C3orf38: variants seen among roughly 807,000 people sequenced by gnomAD.
C3orf38 encodes the protein chromosome 3 open reading frame 38.
A neutral mutation model predicts 28.3 loss-of-function variants in C3orf38; 18 were observed. The ratio of observed to expected loss-of-function variants is 0.64; its 90% CI spans 0.44 to 0.94. C3orf38 has a LOEUF of 0.94. Among genes scored for constraint, C3orf38 ranks in the 40% least tolerant of loss-of-function variants. The pLI, the probability that C3orf38 is intolerant of heterozygous loss-of-function variation, is 0.00. For missense variants in C3orf38, 364 were observed against 396.4 expected (o/e 0.92, Z 0.69); for synonymous variants, 145 against 138.1 (o/e 1.05, Z -0.35).
intron 1 of C3orf38, among the ~76,000 whole-genome samples, chr3:88,151,928 GCAA>G (rs2107929563): frequency 6.6e-6 from 1 of 152,238 alleles, no homozygotes; most frequent in Admixed American, 6.5e-5. Flanking sequence ...AAATTTTAAA[GCAA>G]CATTTAGGAT....
chr3:88,155,981 C>A, intron 2 of C3orf38, 40 bp from the exon 3 acceptor site: 1 of 1,442,746 alleles, frequency 6.9e-7, no homozygotes, highest in Non-Finnish European at 9.3e-7. Context: ...AAAGTTAAAC[C>A]TTAGTGTTAT....
In C3orf38 at chr3:88,153,356, A is replaced by G; in HGVS notation, c.260A>G (p.Glu87Gly). The change falls in exon 2 of 3, where the codon GAA becomes GGA. Residue 87 changes from glutamate (E) to glycine (G), a missense_variant. Physicochemically the swap from Glu to Gly is moderately conservative, Grantham distance 98. Transcript: ENST00000318887. Reference sequence around the variant, plus strand: ...GGGATTGTTATACCTCCAGCTACTGAAAAACACAATCTTATTCAGCATGCA... The same window carrying G: ...GGGATTGTTATACCTCCAGCTACTGGAAAACACAATCTTATTCAGCATGCA... ...TQGIVIPPAT[E>G]KHNLIQHAKD... is the part of the protein sequence containing the mutation. 1 of 1,614,134 alleles carries G rather than the reference A, an allele frequency of 6.2e-7. No homozygotes were observed.
At chr3:88,152,910 T>C (rs375628320) in intron 1 of C3orf38, among the ~76,000 whole-genome samples, 1 of 152,218 alleles carries the variant, frequency 6.6e-6, no homozygotes, top group Admixed American at 6.5e-5. Context: ...AATTTAGGAC[T>C]GTTGGCCTTA....
At chr3:88,154,425 G>A (rs1245497592) in intron 2 of C3orf38, among the ~76,000 whole-genome samples, 1 of 150,624 alleles carries the variant, frequency 6.6e-6, no homozygotes, top group African/African-American at 2.4e-5. Flanking sequence ...ATTCTCCAGC[G>A]GACATTGGCT....
At chr3:88,152,558 C>T (rs1389263352) in intron 1 of C3orf38, among the ~76,000 whole-genome samples, 1 of 151,950 alleles carries the variant, frequency 6.6e-6, no homozygotes, top group Non-Finnish European at 1.5e-5. Context: ...GTCAGGAGAT[C>T]GAGACCATCC....
Position 88,149,962 on chromosome 3 carries a change from A to C in C3orf38, c.-91A>C. The C allele has an allele frequency of 2.0e-6, 3 of 1,535,788 alleles. No homozygotes were observed. The highest frequency in any genetic ancestry group is 1.2e-5 in the South Asian group (1 of 86,350). On this transcript the variant is annotated 5_prime_UTR_variant, in exon 1 of 3. Transcript: ENST00000318887. ...AGGCCCTTCGACGGAGAACAACAAG[A>C]AAGGCACTTCCGGTGTCTGTTGCCA...
In C3orf38 at chr3:88,157,442, T is replaced by C. The variant is rs1707494947; in HGVS notation, c.*807T>C. On this transcript the variant is annotated 3_prime_UTR_variant, in exon 3 of 3. Coordinates refer to ENST00000318887, the MANE Select transcript of C3orf38 (RefSeq NM_173824.4). Reference sequence around the variant, plus strand: ...TAAAGGAAATATGCTGTTGAAATTTTAAAGGTATGCCCAGTTCCTAACTTT... The same window carrying C: ...TAAAGGAAATATGCTGTTGAAATTTCAAAGGTATGCCCAGTTCCTAACTTT... 6.6e-6 allele frequency: 1 copy of C among 152,182 alleles called. No homozygotes were observed. The highest frequency in any genetic ancestry group is 2.4e-5 in the African/African-American group (1 of 41,440). The allele number at this position is 152,182 out of a possible 1,614,324, so 9.4% of individuals were successfully genotyped here.
intron 2 of C3orf38, among the ~76,000 whole-genome samples, chr3:88,155,136 A>T (rs1707462109): frequency 6.6e-6 from 1 of 152,184 alleles, no homozygotes; most frequent in African/African-American, 2.4e-5. Flanking sequence ...CCGGGATTAC[A>T]GGCATGAACC....
chr3:88,156,063 C>A lies in C3orf38; in HGVS notation c.418C>A (p.Arg140Ser). ...AAAAGCTGAAAAAGTTGATTTTCGT[C>A]GCCTAGGAGAAGAATTCTGTCATTG... is the stretch of plus-strand genomic sequence containing the variant. ...DKKAEKVDFR[R>S]LGEEFCHWFF... Residue 140 changes from arginine (R) to serine (S), a missense_variant, in exon 3 of 3, where the codon CGC (arginine) becomes AGC (serine). By Grantham distance (110) the Arg-to-Ser change is moderately radical. Transcript: ENST00000318887. The A allele has an allele frequency of 6.4e-7, 1 of 1,555,864 alleles. No individual in the cohort carries two copies. Among genetic ancestry groups the A allele is most frequent in the South Asian group, 1.2e-5 (1 of 82,548 alleles).
chr3:88,154,658 C>A (rs1254926575), intron 2 of C3orf38, among the ~76,000 whole-genome samples: 1 of 152,146 alleles, frequency 6.6e-6, no homozygotes, highest in Non-Finnish European at 1.5e-5. Context: ...ACTTTGAAAT[C>A]ATACAAATAC....
chr3:88,153,446 C>T lies in C3orf38; in HGVS notation c.350C>T (p.Thr117Ile). Residue 117 changes from threonine (T) to isoleucine (I), a missense_variant, in exon 2 of 3, where the codon ACA (threonine) becomes ATA (isoleucine). Physicochemically the swap from Thr to Ile is moderately conservative, Grantham distance 89 (BLOSUM62 -1). Coordinates refer to ENST00000318887, the MANE Select transcript of C3orf38 (RefSeq NM_173824.4). Reference sequence around the variant, plus strand: ...GAAACGCCAGAGCCAGTTACAAAGACAGAGGACATCCACCTATTTCAACAG... The same window carrying T: ...GAAACGCCAGAGCCAGTTACAAAGATAGAGGACATCCACCTATTTCAACAG... The part of the protein sequence containing the change: ...LKETPEPVTK[T>I]EDIHLFQQQV... 1 of 1,614,084 alleles carries T rather than the reference C, an allele frequency of 6.2e-7. No homozygotes were observed. Among genetic ancestry groups the T allele is most frequent in the Non-Finnish European group, 8.5e-7 (1 of 1,180,006 alleles).
At chr3:88,153,838 C>T (rs2107931803) in intron 2 of C3orf38, among the ~76,000 whole-genome samples, 1 of 152,258 alleles carries the variant, frequency 6.6e-6, no homozygotes, top group South Asian at 2.1e-4. Context: ...GCTGGAATTA[C>T]AGGCATGAGC....
At chr3:88,154,212 T>G (rs1034308355) in intron 2 of C3orf38, among the ~76,000 whole-genome samples, 3 of 152,160 alleles carry the variant, frequency 2.0e-5, no homozygotes, top group African/African-American at 7.2e-5. Context: ...AAAAATTTTC[T>G]TTTAAGTTCC....
At position 88,153,346 on chromosome 3, in the gene C3orf38, C is replaced by G. The variant is rs1292734158; in HGVS notation, c.250C>G (p.Pro84Ala). 3 of 1,613,816 alleles carry G rather than the reference C, an allele frequency of 1.9e-6. No homozygotes were observed. Among genetic ancestry groups the G allele is most frequent in the Non-Finnish European group, 2.5e-6 (3 of 1,179,988 alleles). ...GGCAACACAGGGGATTGTTATACCTCCAGCTACTGAAAAACACAATCTTAT... is the reference window on the plus strand; with the variant it reads ...GGCAACACAGGGGATTGTTATACCTGCAGCTACTGAAAAACACAATCTTAT... Reference protein sequence around the residue: ...YLATQGIVIPPATEKHNLIQH... With the variant: ...YLATQGIVIPAATEKHNLIQH... Residue 84 changes from proline to alanine, a missense_variant, in exon 2 of 3, where the codon CCA becomes GCA. Physicochemically the swap from Pro to Ala is conservative, Grantham distance 27 (BLOSUM62 -1). Coordinates refer to ENST00000318887, the MANE Select transcript of C3orf38 (RefSeq NM_173824.4).
chr3:88,151,124 G>T (rs1413951070), intron 1 of C3orf38: 1 of 151,888 alleles, frequency 6.6e-6, no homozygotes, highest in African/African-American at 2.4e-5. Flanking sequence ...TTAATTATAG[G>T]GTATCTAAAA....
intron 2 of C3orf38, among the ~76,000 whole-genome samples, chr3:88,155,259 A>AAAT (rs1707463850): frequency 6.6e-6 from 1 of 152,144 alleles, no homozygotes; most frequent in Non-Finnish European, 1.5e-5. Flanking sequence ...TATCTATTTA[A>AAAT]AGACAATGAA....
At position 88,150,051 on chromosome 3, in the gene C3orf38, G is replaced by C; in HGVS notation, c.-2G>C. On this transcript the variant is annotated 5_prime_UTR_variant, in exon 1 of 3. Coordinates refer to ENST00000318887, the MANE Select transcript of C3orf38 (RefSeq NM_173824.4). ...CGTTGTCTTTCCCCCCCAGTCCCGGGGATGGAGATGTCGGGACTCAGCTTT... is the reference window on the plus strand; with the variant it reads ...CGTTGTCTTTCCCCCCCAGTCCCGGCGATGGAGATGTCGGGACTCAGCTTT... The C allele has an allele frequency of 1.2e-6, 2 of 1,614,208 alleles. No individual in the cohort carries two copies. The highest frequency in any genetic ancestry group is 8.5e-7 in the Non-Finnish European group (1 of 1,180,030).
intron 2 of C3orf38, 67 bp from the exon 3 acceptor site, chr3:88,155,954 A>G: frequency 7.8e-7 from 1 of 1,275,566 alleles, no homozygotes; most frequent in Non-Finnish European, 1.1e-6. Flanking sequence ...AATAGGCTAG[A>G]TAGAAAAATA....
At chr3:88,154,547 A>AT (rs1707455526) in intron 2 of C3orf38, among the ~76,000 whole-genome samples, 1 of 152,138 alleles carries the variant, frequency 6.6e-6, no homozygotes, top group African/African-American at 2.4e-5. Context: ...TACATACCAC[A>AT]TTTTTTGAAT....
Sources: allele counts gnomAD v4.1 joint callset (sites outside exome capture counted in the v4.1 genomes callset), GRCh38; gene constraint gnomAD v4.1.1; transcripts MANE v1.5; gene names NCBI Gene and HGNC (gene_info 2026-07-23, HGNC 2026-07-21).